Variants in DNA2 observed in about 807,000 individuals in gnomAD.
The protein encoded by DNA2 is DNA replication ATP-dependent helicase/nuclease DNA2.
In DNA2, 101 loss-of-function variants were observed where a neutral mutation model predicts 119.1. The observed-to-expected ratio is 0.85, with a 90% confidence interval of 0.72 to 1.00. The LOEUF is 1.00. DNA2 is among the 50% of genes least tolerant of loss of function. The pLI is 0.00. For missense variants in DNA2, 1,121 were observed against 1,255.5 expected (o/e 0.89, Z 1.62); for synonymous variants, 366 against 424.4 (o/e 0.86, Z 1.69).
Position 68,430,595 on chromosome 10 carries a change from G to A in DNA2, c.2049C>T (p.Asp683=). Residue 683 remains aspartate (D), a synonymous_variant, in exon 14 of 21, where the codon GAC becomes GAT. Transcript: ENST00000358410. ...LLTSYTHSAV[D]NILLKLAKFK... ...ACTTGGCTAACTTCAAAAGAATATT[G>A]TCAACAGCAGAGTGTGTATAGCTGG... 6.2e-7 allele frequency: 1 copy of A among 1,607,376 alleles called. No individual in the cohort carries two copies. Among genetic ancestry groups the A allele is most frequent in the Non-Finnish European group, 8.5e-7 (1 of 1,176,734 alleles).
At chr10:68,441,814 C>T (rs186449929) in intron 9 of DNA2, among the ~76,000 whole-genome samples, 1 of 150,140 alleles carries the variant, frequency 6.7e-6, no homozygotes, top group Admixed American at 6.7e-5. Context: ...CCAGTAAATA[C>T]CACATTAATT....
At chr10:68,468,363 C>T (rs944029584) in intron 2 of DNA2, 57 bp from the exon 3 acceptor site, 99 of 1,162,076 alleles carry the variant, frequency 8.5e-5, no homozygotes, top group Non-Finnish European at 1.0e-4. Flanking sequence ...TACATGTAAA[C>T]GTATTAGGGA....
At chr10:68,437,793 C>T (rs972027258) in intron 9 of DNA2, among the ~76,000 whole-genome samples, 1 of 152,070 alleles carries the variant, frequency 6.6e-6, no homozygotes, top group African/African-American at 2.4e-5. Flanking sequence ...AGACACCCTC[C>T]GACCCCCACC....
intron 19 of DNA2, among the ~76,000 whole-genome samples, chr10:68,418,574 C>A (rs1352775479): frequency 1.3e-5 from 2 of 151,864 alleles, no homozygotes; most frequent in Admixed American, 6.6e-5. Context: ...GTTGACCCAT[C>A]CACCAGGTTC....
Position 68,419,149 on chromosome 10 carries a change from T to C in DNA2, c.2852A>G (p.Asn951Ser), listed in dbSNP as rs748203596. The C allele has an allele frequency of 3.7e-6, 6 of 1,613,432 alleles. No homozygotes were observed. The highest frequency in any genetic ancestry group is 3.3e-5 in the Admixed American group (2 of 59,954). The change falls in exon 19 of 21, where the codon AAT (asparagine) becomes AGT (serine). Residue 951 changes from asparagine to serine, a missense_variant. Coordinates refer to ENST00000358410, the MANE Select transcript of DNA2 (RefSeq NM_001080449.3). ...APYRQQLKII[N>S]DLLARSIGMV... ...CCCAATAGAACGTGCCAATAAATCATTGATGATCTTTAATTGCTGCCTGTA... is the reference window on the plus strand; with the variant it reads ...CCCAATAGAACGTGCCAATAAATCACTGATGATCTTTAATTGCTGCCTGTA...
In DNA2 at chr10:68,471,793, C is replaced by T; in HGVS notation, c.72G>A (p.Glu24=). The T allele has an allele frequency of 6.3e-6, 10 of 1,599,114 alleles. No homozygotes were observed. Among genetic ancestry groups the T allele is most frequent in the Non-Finnish European group, 8.5e-6 (10 of 1,173,996 alleles). The change falls in exon 1 of 21, where the codon GAG becomes GAA. Residue 24 remains glutamate, a splice_region_variant and synonymous_variant. Coordinates refer to ENST00000358410, the MANE Select transcript of DNA2 (RefSeq NM_001080449.3). The part of the protein sequence containing the change: ...SFWEEAELPA[E]LFQKKVVASF... ...CACCCTCCCCCCTCTCCGCTCACAG[C>T]TCCGCCGGCAGCTCCGCCTCCTCCC...
intron 10 of DNA2, among the ~76,000 whole-genome samples, chr10:68,435,575 C>T (rs2051878110): frequency 6.6e-6 from 1 of 152,074 alleles, no homozygotes; most frequent in Admixed American, 6.6e-5. Flanking sequence ...CCTGCCTCAG[C>T]CTCCCAAGTA....
intron 17 of DNA2, among the ~76,000 whole-genome samples, 159 bp downstream of exon 17, chr10:68,422,066 G>T (rs2051672542): frequency 6.6e-6 from 1 of 152,106 alleles, no homozygotes; most frequent in East Asian, 1.9e-4. Flanking sequence ...GCCCGCCTTG[G>T]CCTCGCAAAG....
intron 12 of DNA2, 45 bp downstream of exon 12, chr10:68,432,161 A>C: frequency 7.3e-7 from 1 of 1,372,410 alleles, no homozygotes; most frequent in Non-Finnish European, 1.0e-6. Context: ...AATCAAATAG[A>C]AACAAGAAAA....
chr10:68,450,271 A>T (rs1414406751), intron 5 of DNA2, 24 bp from the exon 6 acceptor site: 4 of 1,489,624 alleles, frequency 2.7e-6, no homozygotes, highest in Non-Finnish European at 3.7e-6. Context: ...AAGCACAAAA[A>T]CACTTAATTA....
intron 8 of DNA2, among the ~76,000 whole-genome samples, chr10:68,444,605 T>C (rs1243937809): frequency 6.6e-6 from 1 of 150,452 alleles, no homozygotes; most frequent in Admixed American, 6.7e-5. Context: ...ATGGCTGTAA[T>C]CCCAGCTACT....
chr10:68,457,790 G>C (rs1414746432), intron 5 of DNA2, among the ~76,000 whole-genome samples: 1 of 150,260 alleles, frequency 6.7e-6, no homozygotes, highest in Non-Finnish European at 1.5e-5. Flanking sequence ...GCATTAAATG[G>C]CTAAACACAG....
At chr10:68,467,272 G>A (rs570434690) in intron 3 of DNA2, among the ~76,000 whole-genome samples, 19 of 151,988 alleles carry the variant, frequency 1.3e-4, no homozygotes, top group South Asian at 2.1e-4. Context: ...CACAACGCCC[G>A]GCTAATTTTT....
chr10:68,430,600 C>T lies in DNA2; in HGVS notation c.2044G>A (p.Val682Ile), dbSNP rs754204967. 11 of 1,607,472 alleles carry T rather than the reference C, an allele frequency of 6.8e-6. No homozygotes were observed. In the South Asian group the frequency reaches 1.2e-4, roughly 18 times the overall value. The change falls in exon 14 of 21, where the codon GTT becomes ATT. Residue 682 changes from valine to isoleucine, a missense_variant. By Grantham distance (29) the Val-to-Ile change is conservative. Coordinates refer to ENST00000358410, the MANE Select transcript of DNA2 (RefSeq NM_001080449.3). ...GCTAACTTCAAAAGAATATTGTCAACAGCAGAGTGTGTATAGCTGGTCAAC... is the reference window on the plus strand; with the variant it reads ...GCTAACTTCAAAAGAATATTGTCAATAGCAGAGTGTGTATAGCTGGTCAAC... ...VLLTSYTHSA[V>I]DNILLKLAKF...
At chr10:68,445,111 T>TTG (rs1311783038) in intron 7 of DNA2, 28 bp from the exon 8 acceptor site, 3 of 1,561,620 alleles carry the variant, frequency 1.9e-6, no homozygotes, top group South Asian at 1.2e-5. Context: ...AATGTCTTTT[T>TTG]AAGAGTTAAA....
At chr10:68,443,523 G>A (rs2051997859) in intron 8 of DNA2, among the ~76,000 whole-genome samples, 1 of 152,124 alleles carries the variant, frequency 6.6e-6, no homozygotes, top group Admixed American at 6.6e-5. Context: ...ATTTTCTATA[G>A]AAACAAACAT....
chr10:68,469,149 A>G (rs945912392), intron 2 of DNA2, among the ~76,000 whole-genome samples: 1 of 152,118 alleles, frequency 6.6e-6, no homozygotes, highest in African/African-American at 2.4e-5. Context: ...CCCCTCACAT[A>G]CCACACTTTG....
chr10:68,454,787 C>T (rs2133422917), intron 5 of DNA2, among the ~76,000 whole-genome samples: 1 of 150,772 alleles, frequency 6.6e-6, no homozygotes, highest in East Asian at 2.0e-4. Context: ...GACTAGGTGA[C>T]AGAGCAAGGC....
chr10:68,464,480 A>C (rs749831112), intron 4 of DNA2, among the ~76,000 whole-genome samples: 4 of 151,122 alleles, frequency 2.6e-5, no homozygotes, highest in Non-Finnish European at 4.4e-5. Context: ...AAGCCACCGC[A>C]CTCCACCTTG....
Sources: allele counts gnomAD v4.1 joint callset (sites outside exome capture counted in the v4.1 genomes callset), GRCh38; gene constraint gnomAD v4.1.1; transcripts MANE v1.5; gene names NCBI Gene and HGNC (gene_info 2026-07-23, HGNC 2026-07-21).